Variants in PER2 observed in about 807,000 individuals in gnomAD.
PER2 encodes period circadian protein homolog 2.
In PER2, 66 loss-of-function variants were observed where a neutral mutation model predicts 121.0. The observed-to-expected ratio is 0.55, with a 90% CI of 0.45 to 0.67. PER2 has a LOEUF of 0.67. PER2 is among the 30% of genes least tolerant of loss of function. The pLI is 0.00. For synonymous variants in PER2, 684 were observed against 659.9 expected (o/e 1.04, Z -0.56); for missense variants, 1,521 against 1,635.0 (o/e 0.93, Z 1.20).
chr2:238,273,582 G>A (rs1291743593), intron 4 of PER2, among the ~76,000 whole-genome samples: 1 of 150,428 alleles, frequency 6.6e-6, no homozygotes, highest in Non-Finnish European at 1.5e-5. Flanking sequence ...TGTAACTTCC[G>A]CCTCCCAGGT....
intron 10 of PER2, 76 bp downstream of exon 10, chr2:238,262,876 G>A (rs1695977871): frequency 3.1e-6 from 3 of 978,652 alleles, no homozygotes; most frequent in Middle Eastern, 2.2e-4. Context: ...GAGCTAGACT[G>A]GTCCCAAGAA....
rs1695739678 is a variant in PER2 at position 238,255,721 on chromosome 2, G to A, written c.2256C>T (p.Ser752=). The change falls in exon 18 of 23, where the codon AGC becomes AGT. Residue 752 remains serine, a synonymous_variant. Transcript: ENST00000254657. ...AGTAATGGCAGTGGGACTGGAAAAT[G>A]CTGAGTTTTCTTATTTCTTTGAACT... The part of the protein sequence containing the change: ...LQKFKEIRKL[S]IFQSHCHYYL... 2 of 1,614,046 alleles carry A rather than the reference G, an allele frequency of 1.2e-6. No homozygotes were observed. Among genetic ancestry groups the A allele is most frequent in the South Asian group, 2.2e-5 (2 of 91,092 alleles).
At chr2:238,246,700 T>C (rs566463833) in intron 22 of PER2, among the ~76,000 whole-genome samples, 176 bp from the exon 23 acceptor site, 76 of 152,146 alleles carry the variant, frequency 5.0e-4, no homozygotes, top group African/African-American at 1.6e-3. Context: ...CACGGTGAAA[T>C]CCCATCTCTA....
At chr2:238,294,055 C>T (rs1052209850), upstream of PER2, among the ~76,000 whole-genome samples, 2 of 152,222 alleles carry the variant, frequency 1.3e-5, no homozygotes, top group Non-Finnish European at 2.9e-5. Flanking sequence ...CCCCCACACC[C>T]AAGGTGATGC....
intron 12 of PER2, 36 bp from the exon 13 acceptor site, chr2:238,260,989 A>AG: frequency 6.2e-7 from 1 of 1,604,828 alleles, no homozygotes; most frequent in Non-Finnish European, 8.5e-7. Flanking sequence ...AGACACAGCC[A>AG]GGGCTGCTGA....
chr2:238,257,084 C>T lies in PER2; in HGVS notation c.1903G>A (p.Ala635Thr), dbSNP rs761395818. Residue 635 changes from alanine (A) to threonine (T), a missense_variant and splice_region_variant, in exon 17 of 23, where the codon GCA becomes ACA. Transcript: ENST00000254657. The stretch of plus-strand genomic sequence containing the variant: ...CTGTTCACCCTGGAGGGCGGCTCTG[C>T]CTCTTCATGAGAGGAAGGGGGAACA... ...TVSPGPHAGEAEPPSRVNSRT... is the reference protein window; with the variant it reads ...TVSPGPHAGETEPPSRVNSRT... The T allele has an allele frequency of 1.2e-6, 2 of 1,611,450 alleles. No individual in the cohort carries two copies. The highest frequency in any genetic ancestry group is 2.7e-5 in the African/African-American group (2 of 74,908).
Position 238,256,061 on chromosome 2 carries a change from T to G in PER2, c.2066-150A>C, listed in dbSNP as rs1695751826. On this transcript the variant is annotated intron_variant, in intron 17 of 22. Coordinates refer to ENST00000254657, the MANE Select transcript of PER2 (RefSeq NM_022817.3). ...AGGATGAGACTCACAGCGTTTTCAT[T>G]TAGCTTTCTGAGAAAGTTCATGGCA... The G allele has an allele frequency of 2.8e-6, 3 of 1,057,884 alleles. No individual in the cohort carries two copies. In the Admixed American group the frequency reaches 6.8e-5, roughly 24 times the overall value. 65.5% of individuals were successfully genotyped at this position (1,057,884 alleles called of 1,614,324 possible). A position where few individuals can be genotyped will look rare whatever the true frequency, so the allele number is the denominator to read the frequency against.
At chr2:238,261,703 G>A (rs372760587) in intron 12 of PER2, 26 bp downstream of exon 12, 14 of 1,458,674 alleles carry the variant, frequency 9.6e-6, no homozygotes, top group Non-Finnish European at 1.3e-5. Context: ...CTACCTGGGA[G>A]GAGGACATGC....
At chr2:238,294,107 C>T (rs960546168), upstream of PER2, among the ~76,000 whole-genome samples, 4 of 152,226 alleles carry the variant, frequency 2.6e-5, no homozygotes, top group South Asian at 4.1e-4. Context: ...TGATCCTCCA[C>T]GTCCGAGGCA....
rs1461196045 is a variant in PER2, at chr2:238,244,455, A to G, written c.*1920T>C. On this transcript the variant is annotated 3_prime_UTR_variant, in exon 23 of 23. Coordinates refer to ENST00000254657, the MANE Select transcript of PER2 (RefSeq NM_022817.3). The stretch of plus-strand genomic sequence containing the variant: ...AATGCTGATGGTAAACATTCATAAC[A>G]GCAGAGTAAGATTTTGGCAGTTTTG... 1 of 152,446 alleles carries G rather than the reference A, an allele frequency of 6.6e-6. No homozygotes were observed. Among genetic ancestry groups the G allele is most frequent in the Non-Finnish European group, 1.5e-5 (1 of 68,044 alleles). 9.4% of individuals were successfully genotyped at this position (152,446 alleles called of 1,614,324 possible). A position where few individuals can be genotyped will look rare whatever the true frequency, so the allele number is the denominator to read the frequency against.
intron 8 of PER2, among the ~76,000 whole-genome samples, chr2:238,266,363 C>T (rs1468848603): frequency 3.3e-5 from 5 of 151,760 alleles, no homozygotes; most frequent in African/African-American, 9.7e-5. Context: ...CTCAAGAGAT[C>T]CTCCTACCTC....
chr2:238,247,715 C>T (rs60170368), intron 22 of PER2, among the ~76,000 whole-genome samples: 7 of 152,020 alleles, frequency 4.6e-5, no homozygotes, highest in African/African-American at 1.7e-4. Context: ...CCAGGGCAGT[C>T]GGGGAAACAG....
chr2:238,265,831 C>G (rs1433844677), intron 8 of PER2, among the ~76,000 whole-genome samples: 2 of 152,026 alleles, frequency 1.3e-5, no homozygotes, highest in African/African-American at 4.8e-5. Flanking sequence ...ATCGAAACTG[C>G]CGTGTTAACA....
upstream of PER2, among the ~76,000 whole-genome samples, chr2:238,294,753 G>A (rs1697015287): frequency 6.6e-6 from 1 of 152,180 alleles, no homozygotes; most frequent in Non-Finnish European, 1.5e-5. Context: ...CCCCTATGAA[G>A]CCTGAGAACC....
chr2:238,255,571 A>G, intron 18 of PER2, 86 bp downstream of exon 18: 1 of 1,337,856 alleles, frequency 7.5e-7, no homozygotes, highest in Non-Finnish European at 1.1e-6. Context: ...AACTGGACAC[A>G]TTTCACATTT....
chr2:238,294,830 G>A (rs73088967), upstream of PER2, among the ~76,000 whole-genome samples: 1,137 of 152,290 alleles, frequency 7.5e-3, 21 homozygotes, highest in African/African-American at 0.026. Context: ...CGTGCCTCTC[G>A]TTCTCCAAAC....
intron 13 of PER2, among the ~76,000 whole-genome samples, 166 bp downstream of exon 13, chr2:238,260,662 C>T (rs1420672352): frequency 3.3e-5 from 5 of 152,238 alleles, no homozygotes; most frequent in African/African-American, 9.6e-5. Flanking sequence ...TCTTTCAACT[C>T]TTAAGAGATT....
chr2:238,255,550 A>G, intron 18 of PER2, 107 bp downstream of exon 18: 1 of 1,149,028 alleles, frequency 8.7e-7, no homozygotes, highest in Non-Finnish European at 1.3e-6. Flanking sequence ...CTTATATGTT[A>G]ATGCTTCTGA....
chr2:238,279,522 C>T (rs1417860986), intron 1 of PER2, among the ~76,000 whole-genome samples: 1 of 152,238 alleles, frequency 6.6e-6, no homozygotes, highest in Non-Finnish European at 1.5e-5. Flanking sequence ...CTGCTTCCTG[C>T]CACTGCACTG....
Sources: allele counts gnomAD v4.1 joint callset (sites outside exome capture counted in the v4.1 genomes callset), GRCh38; gene constraint gnomAD v4.1.1; transcripts MANE v1.5; gene names NCBI Gene and HGNC (gene_info 2026-07-23, HGNC 2026-07-21).